Variants in PTPRG observed in about 807,000 individuals in gnomAD.
The protein encoded by PTPRG is protein tyrosine phosphatase receptor type G.
In PTPRG, 102 loss-of-function variants were observed where a neutral mutation model predicts 165.3. The observed-to-expected ratio is 0.62, with a 90% CI of 0.53 to 0.73. PTPRG has a LOEUF of 0.73. PTPRG is among the 30% of genes least tolerant of loss of function. The pLI is 0.00. For missense variants in PTPRG, 1,866 were observed against 1,861.4 expected, an observed-to-expected ratio of 1.00 and a Z score of -0.05; for synonymous variants, 675 against 669.5, an observed-to-expected ratio of 1.01 and a Z score of -0.13.
chr3:62,291,545 G>A (rs1026301313), intron 28 of PTPRG, among the ~76,000 whole-genome samples: 80 of 151,858 alleles, frequency 5.3e-4, no homozygotes, highest in African/African-American at 1.7e-3. Context: ...GTGGCTAAGG[G>A]GGACTCTGGT....
At chr3:61,811,705 C>G (rs546188177) in intron 2 of PTPRG, among the ~76,000 whole-genome samples, 7 of 152,254 alleles carry the variant, frequency 4.6e-5, no homozygotes, top group African/African-American at 1.4e-4. Flanking sequence ...CATTATTAGA[C>G]TTAATTTAAA....
intron 5 of PTPRG, among the ~76,000 whole-genome samples, chr3:62,102,572 G>A (rs7647535): frequency 0.68 from 103,663 of 151,590 alleles, 35,578 homozygotes; most frequent in Middle Eastern, 0.78. Flanking sequence ...CGCCCGGCCT[G>A]GACACCTTTC....
chr3:61,612,532 G>A (rs754228416), intron 1 of PTPRG, among the ~76,000 whole-genome samples: 91 of 152,308 alleles, frequency 6.0e-4, no homozygotes, highest in African/African-American at 2.1e-3. Flanking sequence ...TGCTGGGCAC[G>A]AATTGCCTGA....
Position 62,292,670 on chromosome 3 carries a change from C to A in PTPRG, c.4191+114C>A, listed in dbSNP as rs111301899. On this transcript the variant is annotated intron_variant, in intron 29 of 29. Coordinates refer to ENST00000474889, the MANE Select transcript of PTPRG (RefSeq NM_002841.4). ...ATTTTGCCCCCCAGGGGACATTTGG[C>A]CATGTCTGGAGACTTTTTTGCTTGT... is the stretch of plus-strand genomic sequence containing the variant. The A allele has an allele frequency of 4.7e-5, 60 of 1,275,644 alleles. 1 individual carries two copies. In the African/African-American group the frequency reaches 8.4e-4, roughly 18 times the overall value. The allele number at this position is 1,275,644 out of a possible 1,614,324, so 79.0% of individuals were successfully genotyped here.
chr3:62,196,404 G>A (rs1218541718), intron 10 of PTPRG, among the ~76,000 whole-genome samples: 2 of 151,760 alleles, frequency 1.3e-5, no homozygotes, highest in Admixed American at 6.6e-5. Context: ...ACTCCGTCTC[G>A]AAAAATGAAA....
chr3:61,569,568 C>A (rs947768062), intron 1 of PTPRG, among the ~76,000 whole-genome samples: 6 of 152,190 alleles, frequency 3.9e-5, no homozygotes, highest in Non-Finnish European at 7.3e-5. Flanking sequence ...ATCCTCCTAC[C>A]TCAACTTCCC....
chr3:61,820,351 C>G (rs1228132111), intron 2 of PTPRG, among the ~76,000 whole-genome samples: 1 of 152,174 alleles, frequency 6.6e-6, no homozygotes, highest in Non-Finnish European at 1.5e-5. Context: ...TTGTTCTATT[C>G]AGGCACTCAG....
At chr3:61,838,033 A>T (rs774340777) in intron 2 of PTPRG, among the ~76,000 whole-genome samples, 1 of 152,178 alleles carries the variant, frequency 6.6e-6, no homozygotes, top group African/African-American at 2.4e-5. Flanking sequence ...CTGTCTCCAA[A>T]TACAGCCCTG....
intron 5 of PTPRG, among the ~76,000 whole-genome samples, chr3:62,122,683 C>T (rs1395943068): frequency 1.3e-5 from 2 of 152,088 alleles, no homozygotes; most frequent in African/African-American, 2.4e-5. Flanking sequence ...AATTGATTAT[C>T]GATGTTTATT....
intron 2 of PTPRG, among the ~76,000 whole-genome samples, chr3:61,900,347 A>G (rs1421776510): frequency 1.3e-5 from 2 of 152,190 alleles, no homozygotes; most frequent in African/African-American, 4.8e-5. Flanking sequence ...GACTTCTACC[A>G]TTGCTGCTGT....
intron 1 of PTPRG, among the ~76,000 whole-genome samples, chr3:61,714,619 G>A (rs1446243309): frequency 6.6e-6 from 1 of 152,152 alleles, no homozygotes; most frequent in Non-Finnish European, 1.5e-5. Flanking sequence ...TCTTTCTCAA[G>A]TTGTGTTCTT....
intron 1 of PTPRG, among the ~76,000 whole-genome samples, chr3:61,570,491 T>C (rs1281040750): frequency 1.3e-5 from 2 of 152,174 alleles, no homozygotes; most frequent in African/African-American, 2.4e-5. Context: ...TGTGATACTG[T>C]CTTTCTAAGT....
intron 2 of PTPRG, among the ~76,000 whole-genome samples, chr3:61,976,366 G>A (rs986937428): frequency 8.5e-5 from 13 of 152,192 alleles, no homozygotes; most frequent in African/African-American, 3.1e-4. Context: ...TTGGATGACA[G>A]TCAGGATCTC....
intron 1 of PTPRG, among the ~76,000 whole-genome samples, chr3:61,642,504 C>T (rs907918618): frequency 3.3e-5 from 5 of 152,046 alleles, no homozygotes; most frequent in African/African-American, 4.8e-5. Context: ...CCCACAATAC[C>T]CAGAAGAGGT....
chr3:62,215,624 T>A (rs1392061028), intron 12 of PTPRG, among the ~76,000 whole-genome samples: 1 of 148,372 alleles, frequency 6.7e-6, no homozygotes, highest in African/African-American at 2.5e-5. Flanking sequence ...AAATCAAGTT[T>A]GAGCCCAGCT....
At chr3:62,046,207 G>A (rs1285077660) in intron 4 of PTPRG, among the ~76,000 whole-genome samples, 1 of 152,168 alleles carries the variant, frequency 6.6e-6, no homozygotes, top group African/African-American at 2.4e-5. Context: ...GAGGAACACT[G>A]AAATGGCATG....
In PTPRG at chr3:62,113,416, T is replaced by A. The variant is rs866828716; in HGVS notation, c.616-19186T>A. Among the ~76,000 whole-genome samples, 6 of 152,336 alleles carry A rather than the reference T, an allele frequency of 3.9e-5. No homozygotes were observed. In the South Asian group the frequency reaches 8.3e-4, roughly 21 times the overall value. The stretch of plus-strand genomic sequence containing the variant: ...TGCTTACTGTGATATATTTAAATAC[T>A]TATTTATAATTTAATCATTTATATA... On this transcript the variant is annotated intron_variant, in intron 5 of 29. Coordinates refer to ENST00000474889, the MANE Select transcript of PTPRG (RefSeq NM_002841.4).
Position 62,278,405 on chromosome 3 carries a change from A to T in PTPRG, c.3765+726A>T, listed in dbSNP as rs375455324. On this transcript the variant is annotated intron_variant, in intron 26 of 29. Coordinates refer to ENST00000474889, the MANE Select transcript of PTPRG (RefSeq NM_002841.4). ...CCCTCCCTTAGTCCTTCTCTATTTCAGTCTCTAAACTATACAGAAGGGTGA... is the reference window on the plus strand; with the variant it reads ...CCCTCCCTTAGTCCTTCTCTATTTCTGTCTCTAAACTATACAGAAGGGTGA... Among the ~76,000 whole-genome samples the T allele has an allele frequency of 3.9e-5, 6 of 152,120 alleles. 1 individual carries two copies. Among genetic ancestry groups the T allele is most frequent in the African/African-American group, 1.2e-4 (5 of 41,528 alleles).
At chr3:62,223,195 G>T (rs1002059128) in intron 13 of PTPRG, among the ~76,000 whole-genome samples, 1 of 152,102 alleles carries the variant, frequency 6.6e-6, no homozygotes, top group Non-Finnish European at 1.5e-5. Flanking sequence ...GAGGATGATG[G>T]GAAGGTATTG....
Sources: gnomAD v4.1 joint callset for allele counts (sites outside exome capture counted in the v4.1 genomes callset) on GRCh38, gnomAD v4.1.1 for gene constraint, MANE v1.5 for transcripts, NCBI Gene and HGNC (gene_info 2026-07-23, HGNC 2026-07-21) for gene names.